The following MAP2K5 variants were observed in gnomAD, a reference collection of about 807,000 sequenced individuals.
The protein encoded by MAP2K5 is dual specificity mitogen-activated protein kinase kinase 5.
A neutral mutation model predicts 83.1 loss-of-function variants in MAP2K5; 49 were observed. The observed-to-expected ratio is 0.59, with a 90% CI of 0.47 to 0.75. The LOEUF is 0.75. Ranked by LOEUF, MAP2K5 falls within the 30% of genes least tolerant of loss-of-function variation. The probability of loss-of-function intolerance (pLI) is 0.00; values close to 1 mark genes in which losing one functional copy is unlikely to be tolerated. For missense variants in MAP2K5, 457 were observed against 557.5 expected (o/e 0.82, Z 1.82); for synonymous variants, 202 against 191.8 (o/e 1.05, Z -0.44).
At chr15:67,602,050 T>C (rs1426286826) in intron 8 of MAP2K5, among the ~76,000 whole-genome samples, 1 of 152,264 alleles carries the variant, frequency 6.6e-6, no homozygotes, top group Non-Finnish European at 1.5e-5. Flanking sequence ...ACATGTTCCT[T>C]GGGCCTTGGG....
intron 15 of MAP2K5, among the ~76,000 whole-genome samples, chr15:67,701,025 C>A (rs927253095): frequency 3.3e-5 from 5 of 151,834 alleles, no homozygotes; most frequent in Non-Finnish European, 7.4e-5. Flanking sequence ...TGTGTTTAAC[C>A]TCCTTTTTGA....
At chr15:67,711,324 T>A (rs2088687283) in intron 16 of MAP2K5, among the ~76,000 whole-genome samples, 1 of 152,242 alleles carries the variant, frequency 6.6e-6, no homozygotes, top group Admixed American at 6.5e-5. Flanking sequence ...ATCACAGTGT[T>A]GTGCTTGTGA....
intron 9 of MAP2K5, among the ~76,000 whole-genome samples, chr15:67,635,251 T>C (rs2086575447): frequency 6.6e-6 from 1 of 150,782 alleles, no homozygotes. Flanking sequence ...AGTGGTGCGA[T>C]CTCGGCTCCG....
rs867422358 is a variant in MAP2K5 at position 67,550,220 on chromosome 15, A to G, written c.184+138A>G. On this transcript the variant is annotated intron_variant, in intron 2 of 21. Transcript: ENST00000178640. ...ATATGGTACATTTAAATATTTATAA[A>G]TTGATATAAGTTTAATGATGATACT... is the stretch of plus-strand genomic sequence containing the variant. 4.5e-5 allele frequency: 27 copies of G among 605,334 alleles called. No homozygotes were observed. The South Asian group carries it at 6.5e-4, about 15-fold the overall frequency. The allele number at this position is 605,334 out of a possible 1,614,324, so 37.5% of individuals were successfully genotyped here.
In MAP2K5 at chr15:67,790,947, A is replaced by T. The variant is rs2090506041; in HGVS notation, c.1243-15699A>T. On this transcript the variant is annotated intron_variant, in intron 21 of 21. Coordinates refer to ENST00000178640, the MANE Select transcript of MAP2K5 (RefSeq NM_145160.3). This position sits in a 1 kb window ranked among gnomAD's most constrained non-coding sequence, Gnocchi z 4.6. ...CCATATTTTACAGAAGACGAGTCAG[A>T]GCTAGGGGGAATAAGCTGTGTTGTA... Among the ~76,000 whole-genome samples, 1 of 152,066 alleles carries T rather than the reference A, an allele frequency of 6.6e-6. No homozygotes were observed. The highest frequency in any genetic ancestry group is 2.1e-4 in the South Asian group (1 of 4,724).
chr15:67,739,510 T>A (rs1306947694), intron 17 of MAP2K5, among the ~76,000 whole-genome samples: 1 of 115,358 alleles, frequency 8.7e-6, no homozygotes, highest in Non-Finnish European at 1.7e-5. Context: ...AGATGGAGTC[T>A]CACTCTGTTG....
intron 3 of MAP2K5, among the ~76,000 whole-genome samples, chr15:67,571,600 A>AT (rs144854139): frequency 0.15 from 22,193 of 150,294 alleles, 2,103 homozygotes; most frequent in African/African-American, 0.26. Flanking sequence ...CTATTTCAAG[A>AT]TTTTTTTTTT....
intron 21 of MAP2K5, among the ~76,000 whole-genome samples, chr15:67,784,447 G>A (rs948542188): frequency 6.6e-6 from 1 of 152,244 alleles, no homozygotes; most frequent in East Asian, 1.9e-4. Context: ...CAATGCCCCT[G>A]TAGGATGCTT....
intron 4 of MAP2K5, among the ~76,000 whole-genome samples, chr15:67,582,426 T>C (rs1415483068): frequency 6.6e-6 from 1 of 152,208 alleles, no homozygotes; most frequent in Non-Finnish European, 1.5e-5. Context: ...AAATTCTTTC[T>C]TCACAAGGAG....
rs78697483 is a variant in MAP2K5 at position 67,804,603 on chromosome 15, C to T, written c.1243-2043C>T. Among the ~76,000 whole-genome samples the T allele has an allele frequency of 4.9e-3, 751 of 152,330 alleles. 7 individuals are homozygous for T. The highest frequency in any genetic ancestry group is 0.023 in the South Asian group (111 of 4,826). ...TCTGGAATGTGGAGGAACGCCTCTA[C>T]GCTCCCTCCTGCAGTTCCGCTCTGC... On this transcript the variant is annotated intron_variant, in intron 21 of 21. Coordinates refer to ENST00000178640, the MANE Select transcript of MAP2K5 (RefSeq NM_145160.3).
chr15:67,697,457 T>A (rs2088295426), intron 15 of MAP2K5, among the ~76,000 whole-genome samples: 1 of 152,198 alleles, frequency 6.6e-6, no homozygotes, highest in Non-Finnish European at 1.5e-5. Context: ...AATTAAGTGA[T>A]CTGCCTTCAG....
rs140145930 is a variant in MAP2K5, at chr15:67,648,732, G to A, written c.736+2263G>A. ...CCCGAGTAGCTGGGACTACAGGCGC[G>A]TGCCACCATGCCCAGCTAAGTTTTG... On this transcript the variant is annotated intron_variant, in intron 11 of 21. Transcript: ENST00000178640. Among the ~76,000 whole-genome samples, 26 of 152,038 alleles carry A rather than the reference G, an allele frequency of 1.7e-4. No homozygotes were observed. The South Asian group carries it at 3.7e-3, about 22-fold the overall frequency.
In MAP2K5 at chr15:67,793,668, G is replaced by A. The variant is rs1486152163; in HGVS notation, c.1243-12978G>A. ...CTTCCATATTCTTAGTCTGAGATAA[G>A]GGTGTCAAAGTATAGTGGTCTATAG... On this transcript the variant is annotated intron_variant, in intron 21 of 21. Transcript: ENST00000178640. The surrounding 1 kb of genome is among the most constrained non-coding windows in gnomAD (Gnocchi z 4.6). 2.0e-5 allele frequency among the ~76,000 whole-genome samples: 3 copies of A among 152,152 alleles called. No individual in the cohort carries two copies. Among genetic ancestry groups the A allele is most frequent in the African/African-American group, 7.2e-5 (3 of 41,424 alleles).
At position 67,756,528 on chromosome 15, in the gene MAP2K5, TG is replaced by T. The variant is rs1776398318; in HGVS notation, c.1134+7928del. Among the ~76,000 whole-genome samples, 27 of 52,224 alleles carry T rather than the reference TG, an allele frequency of 5.2e-4. No homozygotes were observed. In the Admixed American group the frequency reaches 6.4e-3, roughly 12 times the overall value. The allele number at this position is 52,224 out of a possible 152,430, so 34.3% of individuals were successfully genotyped here. A position where few individuals can be genotyped will look rare whatever the true frequency, so the allele number is the denominator to read the frequency against. On this transcript the variant is annotated intron_variant, in intron 19 of 21. Coordinates refer to ENST00000178640, the MANE Select transcript of MAP2K5 (RefSeq NM_145160.3). ...CACACACAGTTACTGTGTGTGTGTG[TG>T]TGTGTGTGTGTGTGTGTGTGTGTGT...
At chr15:67,732,440 G>T (rs1259232500) in intron 17 of MAP2K5, among the ~76,000 whole-genome samples, 2 of 152,150 alleles carry the variant, frequency 1.3e-5, no homozygotes, top group Non-Finnish European at 1.5e-5. Flanking sequence ...GGAAAGTGAA[G>T]ATAATACAGA....
At chr15:67,582,115 G>T (rs374923947) in intron 4 of MAP2K5, among the ~76,000 whole-genome samples, 63 of 143,550 alleles carry the variant, frequency 4.4e-4, no homozygotes, top group East Asian at 3.5e-3. Context: ...AGGCTGGAGT[G>T]CAGTGGTGCA....
rs1189456449 is a variant in MAP2K5, at chr15:67,755,405, G to A, written c.1134+6804G>A. 6.6e-6 allele frequency among the ~76,000 whole-genome samples: 1 copy of A among 151,966 alleles called. No homozygotes were observed. Among genetic ancestry groups the A allele is most frequent in the East Asian group, 1.9e-4 (1 of 5,176 alleles). On this transcript the variant is annotated intron_variant, in intron 19 of 21. Coordinates refer to ENST00000178640, the MANE Select transcript of MAP2K5 (RefSeq NM_145160.3). The surrounding 1 kb of genome is among the most constrained non-coding windows in gnomAD (Gnocchi z 4.7). ...ACCCTCTTCTAGAACAGAAATATTA[G>A]CTGCCCCTTAGTCTGCCTGACTCAC... is the stretch of plus-strand genomic sequence containing the variant.
At chr15:67,569,005 C>CAAAAAAA (rs71142380) in intron 3 of MAP2K5, among the ~76,000 whole-genome samples, 42 of 91,158 alleles carry the variant, frequency 4.6e-4, no homozygotes, top group Non-Finnish European at 6.4e-4. Flanking sequence ...GACTCCATCT[C>CAAAAAAA]AAAAAAAAAA....
rs1251955635 is a variant in MAP2K5 at position 67,708,070 on chromosome 15, C to A, written c.1044+4662C>A. 1.3e-5 allele frequency among the ~76,000 whole-genome samples: 2 copies of A among 152,142 alleles called. No homozygotes were observed. The highest frequency in any genetic ancestry group is 4.8e-5 in the African/African-American group (2 of 41,414). ...GCGGCTCATTCCTGTAATACCAGCA[C>A]TTTGAGAGGCTGAGGCAGGAGGATT... On this transcript the variant is annotated intron_variant, in intron 16 of 21. Transcript: ENST00000178640. The surrounding 1 kb of genome is among the most constrained non-coding windows in gnomAD (Gnocchi z 4.9).
Sources: gnomAD v4.1 joint callset for allele counts (sites outside exome capture counted in the v4.1 genomes callset) on GRCh38, gnomAD v4.1.1 for gene constraint, Gnocchi (gnomAD v3.1) non-coding constraint, MANE v1.5 for transcripts, NCBI Gene and HGNC (gene_info 2026-07-23, HGNC 2026-07-21) for gene names.